SCAI: variants seen among roughly 807,000 people sequenced by gnomAD.
SCAI encodes the protein suppressor of cancer cell invasion, also known as protein SCAI.
Under a neutral mutation model 92.2 loss-of-function variants are expected in SCAI, and 24 were observed. The observed-to-expected ratio is 0.26, with a 90% CI of 0.19 to 0.37. SCAI has a LOEUF of 0.37. SCAI is among the 10% of genes least tolerant of loss of function. The probability of loss-of-function intolerance (pLI) is 1.00; values close to 1 mark genes in which losing one functional copy is unlikely to be tolerated. For missense variants in SCAI, 450 were observed against 736.2 expected (o/e 0.61, Z 4.50); for synonymous variants, 261 against 258.6 (o/e 1.01, Z -0.09).
chr9:125,140,900 T>G (rs1835651180), intron 2 of SCAI, among the ~76,000 whole-genome samples: 1 of 152,028 alleles, frequency 6.6e-6, no homozygotes, highest in Admixed American at 6.6e-5. Context: ...CCTAAAATAT[T>G]GTCTCACTAT....
chr9:125,048,290 G>A (rs540209528), intron 3 of SCAI, among the ~76,000 whole-genome samples: 2 of 152,120 alleles, frequency 1.3e-5, no homozygotes, highest in East Asian at 3.9e-4. Flanking sequence ...GTCAATCAAT[G>A]ATGTTCAAGA....
intron 9 of SCAI, 70 bp from the exon 10 acceptor site, chr9:125,003,640 C>T (rs976970379): frequency 1.1e-5 from 10 of 933,772 alleles, no homozygotes; most frequent in East Asian, 2.4e-5. Flanking sequence ...ACTTTTATCA[C>T]GTTACTAGTT....
intron 2 of SCAI, among the ~76,000 whole-genome samples, chr9:125,122,066 G>C (rs1317643062): frequency 6.6e-6 from 1 of 152,020 alleles, no homozygotes; most frequent in Non-Finnish European, 1.5e-5. Context: ...AAATTCTTAG[G>C]AAACACTAAA....
In SCAI at chr9:124,978,011, T is replaced by C. The variant is rs533880709; in HGVS notation, c.1327-1825A>G. On this transcript the variant is annotated intron_variant, in intron 14 of 17. Transcript: ENST00000336505. ...TAGACTCTCCTGTTATGATTAACTATGATTGATAAACCTAGTTACATAAAA... is the reference window on the plus strand; with the variant it reads ...TAGACTCTCCTGTTATGATTAACTACGATTGATAAACCTAGTTACATAAAA... Among the ~76,000 whole-genome samples, 7 of 152,344 alleles carry C rather than the reference T, an allele frequency of 4.6e-5. No homozygotes were observed. The South Asian group carries it at 1.4e-3, about 32-fold the overall frequency.
intron 2 of SCAI, among the ~76,000 whole-genome samples, chr9:125,137,826 T>A (rs1014720715): frequency 5.9e-5 from 9 of 152,088 alleles, no homozygotes; most frequent in Non-Finnish European, 1.2e-4. Flanking sequence ...GGTCTCAAAC[T>A]CCTGACCTCA....
intron 2 of SCAI, among the ~76,000 whole-genome samples, chr9:125,128,347 C>T (rs1299352854): frequency 6.6e-6 from 1 of 151,480 alleles, no homozygotes; most frequent in South Asian, 2.1e-4. Flanking sequence ...TGGCCGGGTG[C>T]GGTGGCCCAC....
rs145015610 is a variant in SCAI at position 125,022,306 on chromosome 9, C to T, written c.513-1537G>A. On this transcript the variant is annotated intron_variant, in intron 6 of 17. Transcript: ENST00000336505. ...CTCTATTCTCAATAATACTTTCTAC[C>T]TTTAAATATACACACAGTATACACA... 2.6e-4 allele frequency among the ~76,000 whole-genome samples: 40 copies of T among 152,250 alleles called. No individual in the cohort carries two copies. In the East Asian group the frequency reaches 7.7e-3, roughly 29 times the overall value.
rs182626724 is a variant in SCAI, at chr9:125,108,689, A to T, written c.98+33944T>A. On this transcript the variant is annotated intron_variant, in intron 2 of 17. Coordinates refer to ENST00000336505, the MANE Select transcript of SCAI (RefSeq NM_001144877.3). Reference sequence around the variant, plus strand: ...CCCTCCGCCCGGCAGCCGCCCCGTCAGAGAAGTGAGGAACCCCTCCGCCCG... The same window carrying T: ...CCCTCCGCCCGGCAGCCGCCCCGTCTGAGAAGTGAGGAACCCCTCCGCCCG... 4.6e-3 allele frequency among the ~76,000 whole-genome samples: 469 copies of T among 102,400 alleles called. 7 individuals are homozygous for T. In the East Asian group the frequency reaches 0.075, roughly 16 times the overall value. 67.2% of individuals were successfully genotyped at this position (102,400 alleles called of 152,430 possible).
intron 2 of SCAI, among the ~76,000 whole-genome samples, chr9:125,073,057 T>G (rs759124401): frequency 6.6e-6 from 1 of 150,916 alleles, no homozygotes; most frequent in East Asian, 1.9e-4. Flanking sequence ...AACCTAGAAG[T>G]AGAATTGCTG....
chr9:125,071,576 G>GTAAAA (rs1833980625), intron 2 of SCAI, among the ~76,000 whole-genome samples: 1 of 152,136 alleles, frequency 6.6e-6, no homozygotes, highest in East Asian at 1.9e-4. Flanking sequence ...AAGGCCATTT[G>GTAAAA]TAAAATATTG....
intron 2 of SCAI, among the ~76,000 whole-genome samples, chr9:125,136,339 G>A (rs1239966800): frequency 6.6e-6 from 1 of 151,500 alleles, no homozygotes; most frequent in Non-Finnish European, 1.5e-5. Context: ...TTGAACTCCT[G>A]GGCTCACACC....
At chr9:125,079,990 T>C (rs1324880671) in intron 2 of SCAI, among the ~76,000 whole-genome samples, 1 of 152,034 alleles carries the variant, frequency 6.6e-6, no homozygotes, top group African/African-American at 2.4e-5. Context: ...CTTGATTGTC[T>C]ACATACTACC....
At chr9:125,056,153 T>C (rs1833660170) in intron 2 of SCAI, 146 bp from the exon 3 acceptor site, 1 of 630,630 alleles carries the variant, frequency 1.6e-6, no homozygotes, top group Non-Finnish European at 2.6e-6. Flanking sequence ...ATAATTTAAG[T>C]GTAAGATACT....
chr9:125,013,694 C>T (rs1336121901), intron 9 of SCAI, among the ~76,000 whole-genome samples: 1 of 152,082 alleles, frequency 6.6e-6, no homozygotes, highest in African/African-American at 2.4e-5. Flanking sequence ...CCAGCATCAT[C>T]CTGATACCAA....
intron 9 of SCAI, 133 bp downstream of exon 9, chr9:125,018,666 C>G (rs761120372): frequency 5.6e-6 from 4 of 710,704 alleles, no homozygotes; most frequent in African/African-American, 5.4e-5. Context: ...TCCATATATG[C>G]ACACAGCATA....
intron 6 of SCAI, among the ~76,000 whole-genome samples, chr9:125,023,430 T>A (rs560633486): frequency 1.3e-5 from 2 of 152,298 alleles, no homozygotes; most frequent in Admixed American, 1.3e-4. Context: ...TTGTCGAAAG[T>A]GGAATTCAAA....
intron 2 of SCAI, among the ~76,000 whole-genome samples, chr9:125,062,274 C>G (rs1224501616): frequency 1.3e-5 from 2 of 151,470 alleles, no homozygotes; most frequent in East Asian, 3.9e-4. Context: ...TCCAGGCACA[C>G]CACCATGCTC....
intron 2 of SCAI, among the ~76,000 whole-genome samples, chr9:125,130,100 T>C (rs1438473271): frequency 6.6e-6 from 1 of 152,062 alleles, no homozygotes; most frequent in African/African-American, 2.4e-5. Flanking sequence ...GGTTTTGCCA[T>C]GTTGGCCAGG....
At chr9:125,052,301 T>C (rs1010487451) in intron 3 of SCAI, among the ~76,000 whole-genome samples, 1 of 152,206 alleles carries the variant, frequency 6.6e-6, no homozygotes, top group African/African-American at 2.4e-5. Context: ...CGGTTTGCGG[T>C]GGCTCACGCC....
Sources: allele counts gnomAD v4.1 joint callset (sites outside exome capture counted in the v4.1 genomes callset), GRCh38; gene constraint gnomAD v4.1.1; transcripts MANE v1.5; gene names NCBI Gene and HGNC (gene_info 2026-07-23, HGNC 2026-07-21).